KCTD16: variants seen among roughly 807,000 people sequenced by gnomAD.
KCTD16 encodes the protein potassium channel tetramerization domain containing 16, also known as BTB/POZ domain-containing protein KCTD16.
In KCTD16, 13 loss-of-function variants were observed where a neutral mutation model predicts 33.2. That is an observed-to-expected ratio of 0.39 (90% CI 0.25 to 0.62). The LOEUF (loss-of-function observed/expected upper bound fraction) is 0.62, where lower values mean the gene tolerates loss of function less well. Among genes scored for constraint, KCTD16 ranks in the 20% least tolerant of loss-of-function variants. KCTD16 has a pLI of 0.50. For synonymous variants in KCTD16, 197 were observed against 195.3 expected (o/e 1.01, Z -0.07); for missense variants, 441 against 525.1 (o/e 0.84, Z 1.57).
Position 144,213,563 on chromosome 5 carries a change from T to G in KCTD16, c.832+6017T>G, listed in dbSNP as rs140742760. ...ATGAACACACCCTCCTCAATCCTTA[T>G]GTTTTTGGTAAGCTCGTTAGATCTA... On this transcript the variant is annotated intron_variant, in intron 3 of 3. Coordinates refer to ENST00000512467, the MANE Select transcript of KCTD16 (RefSeq NM_020768.4). 1.6e-4 allele frequency among the ~76,000 whole-genome samples: 24 copies of G among 152,280 alleles called. No individual in the cohort carries two copies. The East Asian group carries it at 4.4e-3, about 28-fold the overall frequency.
chr5:144,418,236 G>A (rs1012583000), intron 3 of KCTD16, among the ~76,000 whole-genome samples: 6 of 152,182 alleles, frequency 3.9e-5, no homozygotes, highest in African/African-American at 9.6e-5. Flanking sequence ...ATTACAAAGA[G>A]CAAAAGAACA....
intron 3 of KCTD16, among the ~76,000 whole-genome samples, chr5:144,464,678 A>T (rs1754276986): frequency 6.8e-6 from 1 of 146,840 alleles, no homozygotes; most frequent in Admixed American, 7.0e-5. Context: ...CCTCCTCCTC[A>T]TCCTCCTCTT....
chr5:144,312,080 C>T (rs150375636), intron 3 of KCTD16, among the ~76,000 whole-genome samples: 90 of 152,208 alleles, frequency 5.9e-4, no homozygotes, highest in African/African-American at 2.0e-3. Context: ...CTGTAGGTGC[C>T]GGGCACTTTG....
intron 3 of KCTD16, among the ~76,000 whole-genome samples, chr5:144,460,160 T>C (rs1258736439): frequency 6.6e-6 from 1 of 152,160 alleles, no homozygotes; most frequent in Non-Finnish European, 1.5e-5. Context: ...CACTCCTTTT[T>C]GATCATTCAA....
chr5:144,299,152 T>A (rs867470057), intron 3 of KCTD16, among the ~76,000 whole-genome samples: 24 of 66,226 alleles, frequency 3.6e-4, no homozygotes, highest in South Asian at 3.9e-4. Context: ...ATATATATTT[T>A]TTTTTTTTTT....
At chr5:144,319,552 A>G (rs1214914310) in intron 3 of KCTD16, among the ~76,000 whole-genome samples, 1 of 152,226 alleles carries the variant, frequency 6.6e-6, no homozygotes, top group Non-Finnish European at 1.5e-5. Flanking sequence ...CTGGTTAAAC[A>G]ACATGCATTT....
At chr5:144,305,805 T>C (rs575876774) in intron 3 of KCTD16, among the ~76,000 whole-genome samples, 1 of 152,070 alleles carries the variant, frequency 6.6e-6, no homozygotes, top group South Asian at 2.1e-4. Flanking sequence ...AGAGTGAGAC[T>C]CTGTTTCAAA....
intron 3 of KCTD16, among the ~76,000 whole-genome samples, chr5:144,316,662 G>T (rs568988987): frequency 3.4e-4 from 52 of 151,636 alleles, no homozygotes; most frequent in African/African-American, 1.2e-3. Flanking sequence ...ATAGGTGCCT[G>T]CCACCATGTC....
rs145586447 is a variant in KCTD16, at chr5:144,420,512, ATGTG to A, written c.833-53129_833-53126del. 5.0e-3 allele frequency among the ~76,000 whole-genome samples: 756 copies of A among 149,830 alleles called. 7 individuals carry two copies. Among genetic ancestry groups the A allele is most frequent in the African/African-American group, 0.017 (699 of 40,998 alleles). On this transcript the variant is annotated intron_variant, in intron 3 of 3. Coordinates refer to ENST00000512467, the MANE Select transcript of KCTD16 (RefSeq NM_020768.4). ...TATGGGTCCAAAGTGACTTATTTAA[ATGTG>A]TGTGTGTGTGTGTGTGTGCACACTC...
intron 3 of KCTD16, among the ~76,000 whole-genome samples, chr5:144,427,731 A>G (rs548333231): frequency 6.6e-6 from 1 of 152,266 alleles, no homozygotes; most frequent in Admixed American, 6.5e-5. Flanking sequence ...AGAAACAGCC[A>G]AGATTGAGAA....
At chr5:144,372,668 C>G (rs576099455) in intron 3 of KCTD16, among the ~76,000 whole-genome samples, 1 of 152,228 alleles carries the variant, frequency 6.6e-6, no homozygotes, top group East Asian at 1.9e-4. Flanking sequence ...GGTGGACATG[C>G]CAGGCAGAGA....
chr5:144,208,555 T>C (rs191145046), intron 3 of KCTD16, among the ~76,000 whole-genome samples: 2 of 152,350 alleles, frequency 1.3e-5, no homozygotes, highest in African/African-American at 4.8e-5. Flanking sequence ...ATGTTTCCAG[T>C]GTTAACATTT....
chr5:144,386,934 A>G (rs1236020722), intron 3 of KCTD16, among the ~76,000 whole-genome samples: 1 of 152,066 alleles, frequency 6.6e-6, no homozygotes, highest in Non-Finnish European at 1.5e-5. Flanking sequence ...TCACCCAACT[A>G]AAATAGCTTA....
rs78362452 is a variant in KCTD16, at chr5:144,273,133, A to G, written c.832+65587A>G. Among the ~76,000 whole-genome samples, 288 of 152,300 alleles carry G rather than the reference A, an allele frequency of 1.9e-3. 2 individuals carry two copies. Among genetic ancestry groups the G allele is most frequent in the African/African-American group, 6.4e-3 (268 of 41,566 alleles). Reference sequence around the variant, plus strand: ...AACTCCTAAAACTCAAAAACAAAATAAACAACCCAATTTAAAAATGGGCAA... The same window carrying G: ...AACTCCTAAAACTCAAAAACAAAATGAACAACCCAATTTAAAAATGGGCAA... On this transcript the variant is annotated intron_variant, in intron 3 of 3. Coordinates refer to ENST00000512467, the MANE Select transcript of KCTD16 (RefSeq NM_020768.4).
chr5:144,410,606 G>C (rs1457461273), intron 3 of KCTD16, among the ~76,000 whole-genome samples: 1 of 151,774 alleles, frequency 6.6e-6, no homozygotes, highest in Non-Finnish European at 1.5e-5. Context: ...ATTTATTCTG[G>C]GCTTGTTCAT....
intron 3 of KCTD16, among the ~76,000 whole-genome samples, chr5:144,261,576 T>C (rs1755012529): frequency 6.6e-6 from 1 of 152,210 alleles, no homozygotes; most frequent in Non-Finnish European, 1.5e-5. Context: ...TAGAGATGGT[T>C]CAATTAAGTA....
intron 3 of KCTD16, among the ~76,000 whole-genome samples, chr5:144,376,312 T>C (rs1300919081): frequency 6.6e-6 from 1 of 152,170 alleles, no homozygotes; most frequent in Non-Finnish European, 1.5e-5. Flanking sequence ...GTATAGTCTT[T>C]ATCAAAAAGA....
chr5:144,358,334 G>A (rs1026937023), intron 3 of KCTD16, among the ~76,000 whole-genome samples: 1 of 152,234 alleles, frequency 6.6e-6, no homozygotes, highest in East Asian at 1.9e-4. Flanking sequence ...GAAACACAAA[G>A]GTGGTGAGAG....
intron 3 of KCTD16, among the ~76,000 whole-genome samples, chr5:144,254,878 A>G (rs1250778866): frequency 6.6e-6 from 1 of 151,380 alleles, no homozygotes; most frequent in Non-Finnish European, 1.5e-5. Context: ...TCCCACTTCA[A>G]CCTCTCAAGT....
Sources: gnomAD v4.1 joint callset for allele counts (sites outside exome capture counted in the v4.1 genomes callset) on GRCh38, gnomAD v4.1.1 for gene constraint, MANE v1.5 for transcripts, NCBI Gene and HGNC (gene_info 2026-07-23, HGNC 2026-07-21) for gene names.